Variants in CACNA2D4 observed in about 807,000 individuals in gnomAD.
CACNA2D4 encodes the protein voltage-dependent calcium channel subunit alpha-2/delta-4.
A neutral mutation model predicts 163.8 loss-of-function variants in CACNA2D4; 157 were observed. The observed-to-expected ratio is 0.96, with a 90% CI of 0.84 to 1.09. The LOEUF is 1.09. Among genes scored for constraint, CACNA2D4 ranks in the 50% least tolerant of loss-of-function variants. CACNA2D4 has a pLI of 0.00. For synonymous variants in CACNA2D4, 598 were observed against 586.9 expected (o/e 1.02, Z -0.27); for missense variants, 1,410 against 1,479.9 (o/e 0.95, Z 0.78).
At position 1,833,212 on chromosome 12, in the gene CACNA2D4, C is replaced by T. The variant is rs543331066; in HGVS notation, c.2551+7527G>A. Among the ~76,000 whole-genome samples the T allele has an allele frequency of 1.4e-4, 21 of 152,294 alleles. No homozygotes were observed. In the East Asian group the frequency reaches 3.9e-3, roughly 28 times the overall value. On this transcript the variant is annotated intron_variant, in intron 26 of 37. Transcript: ENST00000382722. This position sits in a 1 kb window ranked among gnomAD's most constrained non-coding sequence, Gnocchi z 4.2. ...CGGCATCCCAGGGAAAGATTGATGC[C>T]TATTGTATGAGGAGACTTGCGGCAG...
In CACNA2D4 at chr12:1,833,439, C is replaced by T. The variant is rs1375415285; in HGVS notation, c.2551+7300G>A. On this transcript the variant is annotated intron_variant, in intron 26 of 37. Transcript: ENST00000382722. This position sits in a 1 kb window ranked among gnomAD's most constrained non-coding sequence, Gnocchi z 4.2. ...CCAGCCCTGTCCTGCATCTGTGTCT[C>T]CCTCTGTCCAAGCCAGCCTCCACCA... 6.6e-6 allele frequency among the ~76,000 whole-genome samples: 1 copy of T among 152,212 alleles called. No homozygotes were observed. Among genetic ancestry groups the T allele is most frequent in the Admixed American group, 6.5e-5 (1 of 15,290 alleles).
intron 4 of CACNA2D4, 42 bp downstream of exon 4, chr12:1,909,864 C>A (rs368055948): frequency 1.9e-6 from 3 of 1,584,886 alleles, no homozygotes; most frequent in Non-Finnish European, 2.6e-6. Context: ...GGTACTCAGG[C>A]GATCCTGGCC....
At chr12:1,916,936 C>T (rs1482952975) in intron 1 of CACNA2D4, among the ~76,000 whole-genome samples, 1 of 152,206 alleles carries the variant, frequency 6.6e-6, no homozygotes, top group African/African-American at 2.4e-5. Flanking sequence ...CCGCTGGGGC[C>T]CCCCTCCCTG....
Position 1,878,519 on chromosome 12 carries a change from A to G in CACNA2D4, c.1645-130T>C, listed in dbSNP as rs558248902. 2 of 1,508,852 alleles carry G rather than the reference A, an allele frequency of 1.3e-6. No homozygotes were observed. Among genetic ancestry groups the G allele is most frequent in the Non-Finnish European group, 1.8e-6 (2 of 1,118,046 alleles). The allele number at this position is 1,508,852 out of a possible 1,614,324, so 93.5% of individuals were successfully genotyped here. A position where few individuals can be genotyped will look rare whatever the true frequency, so the allele number is the denominator to read the frequency against. ...ACAGCAGTGAGTGTTTTCAATAGGA[A>G]CGTAACTGAGCCAGTGCCATGCTTC... On this transcript the variant is annotated intron_variant, in intron 15 of 37. Transcript: ENST00000382722. The surrounding 1 kb of genome is among the most constrained non-coding windows in gnomAD (Gnocchi z 4.6).
At chr12:1,824,175 C>T (rs933017698) in intron 26 of CACNA2D4, among the ~76,000 whole-genome samples, 2 of 152,188 alleles carry the variant, frequency 1.3e-5, no homozygotes, top group African/African-American at 4.8e-5. Context: ...AGGGACAGGC[C>T]AGCATGGTCT....
At chr12:1,873,708 G>A (rs1865830485) in intron 18 of CACNA2D4, among the ~76,000 whole-genome samples, 2 of 152,206 alleles carry the variant, frequency 1.3e-5, no homozygotes, top group African/African-American at 4.8e-5. Context: ...ATCAGGAGAA[G>A]GAACAGCTGC....
At chr12:1,823,661 T>C (rs11061987) in intron 26 of CACNA2D4, among the ~76,000 whole-genome samples, 5,596 of 151,046 alleles carry the variant, frequency 0.037, 313 homozygotes, top group African/African-American at 0.13. Flanking sequence ...GCCCCCCACC[T>C]TCCGTAAGAT....
Position 1,833,043 on chromosome 12 carries a change from AC to A in CACNA2D4, c.2551+7695del, listed in dbSNP as rs1281416049. ...GGGGAACTAGGCCGGGTGTCTTCAG[AC>A]CCTCCTCTCCTGTGGTCGCCGGGAA... On this transcript the variant is annotated intron_variant, in intron 26 of 37. Coordinates refer to ENST00000382722, the MANE Select transcript of CACNA2D4 (RefSeq NM_172364.5). This position sits in a 1 kb window ranked among gnomAD's most constrained non-coding sequence, Gnocchi z 4.2. Among the ~76,000 whole-genome samples the A allele has an allele frequency of 6.6e-6, 1 of 151,054 alleles. No homozygotes were observed. The highest frequency in any genetic ancestry group is 1.5e-5 in the Non-Finnish European group (1 of 67,658).
chr12:1,830,220 G>A (rs1405896848), intron 26 of CACNA2D4, among the ~76,000 whole-genome samples: 1 of 152,236 alleles, frequency 6.6e-6, no homozygotes. Flanking sequence ...TGTTGAAGTG[G>A]GTTTGTACAT....
chr12:1,899,664 C>A (rs114609733), intron 6 of CACNA2D4, among the ~76,000 whole-genome samples: 4,241 of 152,134 alleles, frequency 0.028, 187 homozygotes, highest in African/African-American at 0.096. Flanking sequence ...AAACATCAGG[C>A]CTATATGCTT....
rs1865849997 is a variant in CACNA2D4, at chr12:1,874,737, A to G, written c.1807-62T>C. 4 of 1,209,250 alleles carry G rather than the reference A, an allele frequency of 3.3e-6. No homozygotes were observed. In the Admixed American group the frequency reaches 6.9e-5, roughly 21 times the overall value. The allele number at this position is 1,209,250 out of a possible 1,614,324, so 74.9% of individuals were successfully genotyped here. On this transcript the variant is annotated intron_variant, in intron 17 of 37. Coordinates refer to ENST00000382722, the MANE Select transcript of CACNA2D4 (RefSeq NM_172364.5). The surrounding 1 kb of genome is among the most constrained non-coding windows in gnomAD (Gnocchi z 4.4). ...TCACAGGGGATGGTGAAAGTATGGCATTCTTCAGACCAGATTAGAGGTGAT... is the reference window on the plus strand; with the variant it reads ...TCACAGGGGATGGTGAAAGTATGGCGTTCTTCAGACCAGATTAGAGGTGAT...
Position 1,907,443 on chromosome 12 carries a change from G to A in CACNA2D4, c.778C>T (p.Pro260Ser). The A allele has an allele frequency of 6.2e-7, 1 of 1,613,808 alleles. No individual in the cohort carries two copies. Among genetic ancestry groups the A allele is most frequent in the South Asian group, 1.1e-5 (1 of 91,064 alleles). Residue 260 changes from proline to serine, a missense_variant, in exon 6 of 38, where the codon CCA becomes TCA. Physicochemically the swap from Pro to Ser is moderately conservative, Grantham distance 74. Transcript: ENST00000382722. ...AGATGCAACTCCATGTCCTTACCTG[G>A]ATAGATCCTGAAGAATCCAGTTGCA... ...GSATGFFRIY[P>S]GIKWTPDENG...
At chr12:1,896,942 C>A (rs1866422524) in intron 6 of CACNA2D4, among the ~76,000 whole-genome samples, 1 of 152,148 alleles carries the variant, frequency 6.6e-6, no homozygotes. Flanking sequence ...GGTATATACA[C>A]AGAATGGAAT....
rs758167 is a variant in CACNA2D4, at chr12:1,806,393, G to A, written c.2721+3885C>T. Among the ~76,000 whole-genome samples the A allele has an allele frequency of 0.09, 13,668 of 152,158 alleles. 738 individuals carry two copies. Among genetic ancestry groups the A allele is most frequent in the Admixed American group, 0.18 (2,723 of 15,284 alleles). On this transcript the variant is annotated intron_variant, in intron 29 of 37. Coordinates refer to ENST00000382722, the MANE Select transcript of CACNA2D4 (RefSeq NM_172364.5). This position sits in a 1 kb window ranked among gnomAD's most constrained non-coding sequence, Gnocchi z 4.1. ...GTCTAATCAGCAGGCCTGGAACACC[G>A]CCGGTGCCAAGAAAGAGCCAAGCAG...
At chr12:1,911,914 C>T (rs1866830730) in intron 3 of CACNA2D4, among the ~76,000 whole-genome samples, 1 of 152,214 alleles carries the variant, frequency 6.6e-6, no homozygotes, top group African/African-American at 2.4e-5. Context: ...TGCTTTCCTG[C>T]TGTGGTGTGT....
At chr12:1,908,134 CGGGGCCG>C in intron 4 of CACNA2D4, 97 bp from the exon 5 acceptor site, 1 of 1,253,442 alleles carries the variant, frequency 8.0e-7, no homozygotes, top group Non-Finnish European at 1.1e-6. Context: ...ACGAGAGGGC[CGGGGCCG>C]GGCGGCCATC....
chr12:1,916,439 G>A (rs1161712131), intron 1 of CACNA2D4, among the ~76,000 whole-genome samples: 1 of 152,214 alleles, frequency 6.6e-6, no homozygotes, highest in Non-Finnish European at 1.5e-5. Flanking sequence ...GGTAGAGACA[G>A]GGCTGGGAGT....
In CACNA2D4 at chr12:1,858,653, AG is replaced by A. The variant is rs1208851308; in HGVS notation, c.1941-10del. On this transcript the variant is annotated splice_polypyrimidine_tract_variant and intron_variant, in intron 19 of 37. Transcript: ENST00000382722. The stretch of plus-strand genomic sequence containing the variant: ...ACAGCACCACCCCCAAACTGTGGGG[AG>A]AGAAGAGAAGGCACTCATTCAGCAG... The A allele has an allele frequency of 6.3e-7, 1 of 1,584,540 alleles. No individual in the cohort carries two copies. The highest frequency in any genetic ancestry group is 8.6e-7 in the Non-Finnish European group (1 of 1,163,178).
intron 26 of CACNA2D4, among the ~76,000 whole-genome samples, chr12:1,818,355 G>C (rs1436394906): frequency 1.3e-5 from 2 of 151,900 alleles, no homozygotes; most frequent in African/African-American, 4.9e-5. Flanking sequence ...AAAAGATTGA[G>C]AAATCGGATG....
Sources: allele counts gnomAD v4.1 joint callset (sites outside exome capture counted in the v4.1 genomes callset), GRCh38; gene constraint gnomAD v4.1.1; non-coding constraint Gnocchi (gnomAD v3.1); transcripts MANE v1.5; gene names NCBI Gene and HGNC (gene_info 2026-07-23, HGNC 2026-07-21).